TENM1: variants seen among roughly 807,000 people sequenced by gnomAD.
TENM1 encodes teneurin transmembrane protein 1.
TENM1 carries 35 observed loss-of-function variants against 174.8 expected under a neutral mutation model. The observed-to-expected ratio is 0.20, with a 90% confidence interval of 0.15 to 0.27. TENM1 has a LOEUF of 0.27. Among genes scored for constraint, TENM1 ranks in the 10% least tolerant of loss-of-function variants. The pLI, the probability that TENM1 is intolerant of heterozygous loss-of-function variation, is 1.00. For missense variants in TENM1, 1,633 were observed against 2,130.1 expected (o/e 0.77, Z 4.59); for synonymous variants, 781 against 798.7 (o/e 0.98, Z 0.37).
chrX:124,497,225 G>A (rs2047222749), exon 20 of TENM1: 2 of 1,208,148 alleles, frequency 1.7e-6, no homozygotes, highest in Middle Eastern at 2.3e-4. Context: ...GGGGCTGCTG[G>A]GAAATGAACA....
intron 3 of TENM1, among the ~76,000 whole-genome samples, chrX:124,778,977 G>A (rs2054845821): frequency 8.9e-6 from 1 of 112,129 alleles, no homozygotes. Flanking sequence ...ATGGTATAAT[G>A]TATGCTGATT....
At chrX:124,901,166 G>A (rs373575606) in intron 1 of TENM1, among the ~76,000 whole-genome samples, 2 of 111,341 alleles carry the variant, frequency 1.8e-5, no homozygotes, top group African/African-American at 6.5e-5. Context: ...TCAAATTTAG[G>A]AGGGAAACTA....
chrX:125,107,191 A>G, the TENM1 span, among the ~76,000 whole-genome samples: 1 of 112,413 alleles, frequency 8.9e-6, no homozygotes, highest in Non-Finnish European at 1.9e-5. Flanking sequence ...CTCCGGTTTT[A>G]TTCAGTGCCC....
the TENM1 span, among the ~76,000 whole-genome samples, chrX:124,994,410 C>A: frequency 9.2e-6 from 1 of 109,039 alleles, no homozygotes; most frequent in Non-Finnish European, 1.9e-5. Context: ...TTGCCAAGCC[C>A]TGCTCTAGAA....
intron 3 of TENM1, among the ~76,000 whole-genome samples, chrX:124,833,824 A>G (rs980501339): frequency 1.8e-5 from 2 of 110,713 alleles, no homozygotes; most frequent in African/African-American, 3.3e-5. Context: ...GTGGTCACCA[A>G]TCTCGTATAT....
At chrX:124,756,321 G>T (rs1239154940) in intron 3 of TENM1, among the ~76,000 whole-genome samples, 1 of 103,623 alleles carries the variant, frequency 9.7e-6, no homozygotes, top group Non-Finnish European at 1.9e-5. Context: ...TAGTTCTCGA[G>T]CCTTGGCTTT....
chrX:124,722,620 C>T (rs1288185354), intron 4 of TENM1, among the ~76,000 whole-genome samples: 1 of 110,390 alleles, frequency 9.1e-6, no homozygotes, highest in East Asian at 2.9e-4. Flanking sequence ...GCGGGCGGAT[C>T]ACGAGGTCAG....
At chrX:124,646,527 C>T (rs1343412027) in intron 9 of TENM1, among the ~76,000 whole-genome samples, 182 bp downstream of exon 12, 1 of 112,292 alleles carries the variant, frequency 8.9e-6, no homozygotes, top group African/African-American at 3.2e-5. Flanking sequence ...AGACGGAACA[C>T]AAAGTGTTTA....
chrX:124,688,416 C>A (rs2052428113), intron 5 of TENM1: 1 of 108,893 alleles, frequency 9.2e-6, no homozygotes, highest in East Asian at 2.9e-4. Context: ...TTTTATTTTT[C>A]TTTTATTTTT....
exon 32 of TENM1, chrX:124,377,537 T>G (rs2060116213): frequency 8.9e-6 from 1 of 112,092 alleles, no homozygotes; most frequent in African/African-American, 3.2e-5. Flanking sequence ...CATATTTAAA[T>G]GTGTTAAACT....
At chrX:124,794,215 C>T (rs185154920) in intron 3 of TENM1, among the ~76,000 whole-genome samples, 27 of 111,300 alleles carry the variant, frequency 2.4e-4, no homozygotes, top group African/African-American at 8.5e-4. Flanking sequence ...CTCTAAATGT[C>T]GCTGTTTGCT....
intron 4 of TENM1, among the ~76,000 whole-genome samples, chrX:124,707,536 A>G (rs1469017654): frequency 9.0e-6 from 1 of 110,751 alleles, no homozygotes; most frequent in East Asian, 2.8e-4. Context: ...GTGGTGCGGG[A>G]TTTGACCTAG....
At chrX:125,173,918 A>G in the TENM1 span, among the ~76,000 whole-genome samples, 4 of 112,098 alleles carry the variant, frequency 3.6e-5, no homozygotes, top group East Asian at 8.5e-4. Flanking sequence ...TAAACTGTCT[A>G]AAGTAGAGAT....
chrX:124,481,709 A>ATATATT (rs766603058), intron 22 of TENM1, 23 bp downstream of exon 25: 144 of 401,041 alleles, frequency 3.6e-4, no homozygotes, highest in Middle Eastern at 7.5e-4. Flanking sequence ...ATATATATAT[A>ATATATT]TATTTATTTA....
chrX:125,094,025 T>G, the TENM1 span, among the ~76,000 whole-genome samples: 20 of 112,267 alleles, frequency 1.8e-4, no homozygotes, highest in Non-Finnish European at 3.4e-4. Context: ...TACCACAAGG[T>G]GCCACCTTCA....
At chrX:124,928,566 G>T (rs899802571) in intron 1 of TENM1, among the ~76,000 whole-genome samples, 2 of 112,062 alleles carry the variant, frequency 1.8e-5, no homozygotes, top group Non-Finnish European at 3.8e-5. Context: ...TTATGTGTGA[G>T]ATGTGCCTCT....
intron 3 of TENM1, among the ~76,000 whole-genome samples, chrX:124,818,416 G>A (rs1463338385): frequency 8.9e-6 from 1 of 111,809 alleles, no homozygotes; most frequent in Non-Finnish European, 1.9e-5. Flanking sequence ...AATGTGAGGC[G>A]GTAATGCGGT....
intron 5 of TENM1, among the ~76,000 whole-genome samples, chrX:124,685,747 CAG>C (rs2052348258): frequency 9.1e-6 from 1 of 110,484 alleles, no homozygotes; most frequent in Non-Finnish European, 1.9e-5. Context: ...TTAGTAGAGA[CAG>C]AGTTTCTCCA....
chrX:125,106,834 C>T, the TENM1 span, among the ~76,000 whole-genome samples: 10 of 112,080 alleles, frequency 8.9e-5, no homozygotes, highest in Admixed American at 4.7e-4. Context: ...CCTTTCATTT[C>T]CCTGAGGAAA....
Sources: allele counts gnomAD v4.1 joint callset (sites outside exome capture counted in the v4.1 genomes callset), GRCh38; gene constraint gnomAD v4.1.1; transcripts MANE v1.5; gene names NCBI Gene and HGNC (gene_info 2026-07-23, HGNC 2026-07-21).